CAPRIN1: variants seen among roughly 807,000 people sequenced by gnomAD.
CAPRIN1 encodes caprin-1.
Under a neutral mutation model 100.9 loss-of-function variants are expected in CAPRIN1, and 29 were observed. The ratio of observed to expected loss-of-function variants is 0.29; its 90% confidence interval spans 0.21 to 0.39. The LOEUF (loss-of-function observed/expected upper bound fraction) is 0.39. Among genes scored for constraint, CAPRIN1 ranks in the 10% least tolerant of loss-of-function variants. CAPRIN1 has a pLI of 1.00. For missense variants in CAPRIN1, 795 were observed against 876.7 expected (o/e 0.91, Z 1.18); for synonymous variants, 338 against 307.5 (o/e 1.10, Z -1.04).
In CAPRIN1 at chr11:34,080,385, G is replaced by C. The variant is rs534992330; in HGVS notation, c.826+620G>C. ...GCAGGAGTATGGGTGAGGGCCAGCT[G>C]TTACAAGGATTTTCAAATAGGTTTC... On this transcript the variant is annotated intron_variant, in intron 7 of 18. Transcript: ENST00000341394. Among the ~76,000 whole-genome samples, 12 of 152,258 alleles carry C rather than the reference G, an allele frequency of 7.9e-5. No individual in the cohort carries two copies. In the South Asian group the frequency reaches 1.7e-3, roughly 21 times the overall value.
At chr11:34,090,021 T>C in intron 12 of CAPRIN1, 158 bp from the exon 13 acceptor site, 1 of 453,714 alleles carries the variant, frequency 2.2e-6, no homozygotes, top group Non-Finnish European at 3.9e-6. Context: ...TTTTAGGTTT[T>C]ATATTATACA....
intron 12 of CAPRIN1, 144 bp downstream of exon 12, chr11:34,089,600 C>G (rs536687464): frequency 2.6e-6 from 1 of 390,348 alleles, no homozygotes; most frequent in Non-Finnish European, 4.7e-6. Context: ...GACACCATCT[C>G]TATTTTAAAA....
intron 2 of CAPRIN1, among the ~76,000 whole-genome samples, chr11:34,063,951 A>G (rs1044468300): frequency 3.3e-5 from 5 of 152,044 alleles, no homozygotes; most frequent in Admixed American, 1.3e-4. Context: ...TATTTTTAGT[A>G]GAGACGGGGT....
At chr11:34,071,335 A>T (rs1249086459) in intron 2 of CAPRIN1, among the ~76,000 whole-genome samples, 2 of 152,120 alleles carry the variant, frequency 1.3e-5, no homozygotes, top group Non-Finnish European at 2.9e-5. Flanking sequence ...AGGCCGAGGC[A>T]GGTGGATCAC....
chr11:34,067,567 T>TCAC (rs1313938358), intron 2 of CAPRIN1, among the ~76,000 whole-genome samples: 1 of 149,820 alleles, frequency 6.7e-6, no homozygotes, highest in Non-Finnish European at 1.5e-5. Flanking sequence ...GTCGTGCACA[T>TCAC]CACGACTTCC....
In CAPRIN1 at chr11:34,090,567, A is replaced by G. The variant is rs762968477; in HGVS notation, c.1443A>G (p.Ser481=). The G allele has an allele frequency of 1.2e-6, 2 of 1,614,080 alleles. No homozygotes were observed. The highest frequency in any genetic ancestry group is 1.3e-5 in the African/African-American group (1 of 74,942). The part of the protein sequence containing the change: ...ISLNTDQTTA[S]SSLPAASQPQ... ...TAAATACAGACCAGACTACAGCATC[A>G]TCATCCCTTCCTGCTGCGTCTCAGC... Residue 481 remains serine (S), a synonymous_variant, in exon 14 of 19, where the codon TCA becomes TCG. Coordinates refer to ENST00000341394, the MANE Select transcript of CAPRIN1 (RefSeq NM_005898.5).
Position 34,052,484 on chromosome 11 carries a change from G to C in CAPRIN1, c.64G>C (p.Gly22Arg). ...GTCGTCCGGACCGCCACCGCCGTCG[G>C]GTTCCTCCGGGAGTGAGGCGGCCGC... The part of the protein sequence containing the change: ...SKSSGPPPPS[G>R]SSGSEAAAGA... Residue 22 changes from glycine (G) to arginine (R), a missense_variant, in exon 2 of 19, where the codon GGT becomes CGT. Transcript: ENST00000341394. 1 of 1,607,880 alleles carries C rather than the reference G, an allele frequency of 6.2e-7. No homozygotes were observed.
At chr11:34,055,354 C>T (rs867176052) in intron 2 of CAPRIN1, among the ~76,000 whole-genome samples, 3 of 151,558 alleles carry the variant, frequency 2.0e-5, no homozygotes, top group South Asian at 2.1e-4. Flanking sequence ...AGAAGTCTCG[C>T]TCTTGTCCGC....
Position 34,096,477 on chromosome 11 carries a change from A to G in CAPRIN1, c.1706-2A>G. On this transcript the variant is annotated splice_acceptor_variant, in intron 15 of 18. Coordinates refer to ENST00000341394, the MANE Select transcript of CAPRIN1 (RefSeq NM_005898.5). LOFTEE classifies it high-confidence loss of function. ...TATATCTTTTTCTTTTTTAAATTAT[A>G]GTGGTTGGCACTTACCATGGTTCCC... 6.2e-7 allele frequency: 1 copy of G among 1,610,614 alleles called. No homozygotes were observed.
chr11:34,061,149 A>G (rs1850568536), intron 2 of CAPRIN1, among the ~76,000 whole-genome samples: 1 of 150,592 alleles, frequency 6.6e-6, no homozygotes, highest in South Asian at 2.1e-4. Context: ...AAACTCCTGG[A>G]TACTTAACCT....
Position 34,057,325 on chromosome 11 carries a change from G to C in CAPRIN1, c.216+4689G>C, listed in dbSNP as rs1850472798. ...TGTGTGTTTGTATGTGTAGCACTGG[G>C]AAGTATTTAAAGCTGTGAATTCCCC... On this transcript the variant is annotated intron_variant, in intron 2 of 18. Transcript: ENST00000341394. Among the ~76,000 whole-genome samples, 5 of 152,130 alleles carry C rather than the reference G, an allele frequency of 3.3e-5. No individual in the cohort carries two copies. The South Asian group carries it at 1.0e-3, about 32-fold the overall frequency.
Position 34,080,658 on chromosome 11 carries a change from A to G in CAPRIN1, c.826+893A>G, listed in dbSNP as rs1305918328. ...GTTGATGAGTAAAATTCTGAATACA[A>G]GGAAACATTGGAGCATAAGTTTTGT... is the stretch of plus-strand genomic sequence containing the variant. On this transcript the variant is annotated intron_variant, in intron 7 of 18. Transcript: ENST00000341394. Among the ~76,000 whole-genome samples, 8 of 152,238 alleles carry G rather than the reference A, an allele frequency of 5.3e-5. No homozygotes were observed. In the South Asian group the frequency reaches 6.2e-4, roughly 12 times the overall value.
intron 14 of CAPRIN1, 156 bp from the exon 15 acceptor site, chr11:34,091,750 C>T: frequency 6.3e-6 from 4 of 634,802 alleles, no homozygotes; most frequent in South Asian, 6.0e-5. Flanking sequence ...CATTGAATCA[C>T]TTGGAGGGAT....
chr11:34,090,118 G>A (rs547759889), intron 12 of CAPRIN1, 61 bp from the exon 13 acceptor site: 2 of 1,046,564 alleles, frequency 1.9e-6, no homozygotes, highest in South Asian at 2.8e-5. Flanking sequence ...GAGGTAACTT[G>A]TTTTTTTAAC....
chr11:34,078,461 T>C (rs17699517), intron 6 of CAPRIN1, among the ~76,000 whole-genome samples: 12,963 of 152,180 alleles, frequency 0.085, 572 homozygotes, highest in African/African-American at 0.092. Flanking sequence ...CAAATTCTGA[T>C]AGTTTTTGTT....
At chr11:34,071,684 C>G in intron 2 of CAPRIN1, 42 bp from the exon 3 acceptor site, 1 of 1,428,902 alleles carries the variant, frequency 7.0e-7, no homozygotes, top group Non-Finnish European at 9.9e-7. Flanking sequence ...CTGGTATATA[C>G]CTTCAAAACG....
At chr11:34,060,678 T>C (rs1438904500) in intron 2 of CAPRIN1, among the ~76,000 whole-genome samples, 5 of 152,206 alleles carry the variant, frequency 3.3e-5, no homozygotes, top group Non-Finnish European at 7.3e-5. Context: ...AAAGAACACA[T>C]TGCAATCTAT....
chr11:34,052,437 G>A lies in CAPRIN1; in HGVS notation c.17G>A (p.Ser6Asn), dbSNP rs764621029. The change falls in exon 2 of 19, where the codon AGC becomes AAC. Residue 6 changes from serine to asparagine, a missense_variant. Physicochemically the swap from Ser to Asn is conservative, Grantham distance 46. Coordinates refer to ENST00000341394, the MANE Select transcript of CAPRIN1 (RefSeq NM_005898.5). ...GGTCTGAAGATGCCCTCGGCCACCAGCCACAGCGGGAGCGGCAGCAAGTCG... is the reference window on the plus strand; with the variant it reads ...GGTCTGAAGATGCCCTCGGCCACCAACCACAGCGGGAGCGGCAGCAAGTCG... The part of the protein sequence containing the change: MPSAT[S>N]HSGSGSKSSG... The A allele has an allele frequency of 1.9e-6, 3 of 1,607,644 alleles. No individual in the cohort carries two copies. The highest frequency in any genetic ancestry group is 1.7e-6 in the Non-Finnish European group (2 of 1,178,850).
At chr11:34,079,905 G>GCTTTTTTTT (rs1850980473) in intron 7 of CAPRIN1, 140 bp downstream of exon 7, 6 of 316,638 alleles carry the variant, frequency 1.9e-5, no homozygotes, top group African/African-American at 1.2e-4. Flanking sequence ...GCATGACAAA[G>GCTTTTTTTT]TTTTTTTTTT....
Sources: allele counts gnomAD v4.1 joint callset (sites outside exome capture counted in the v4.1 genomes callset), GRCh38; gene constraint gnomAD v4.1.1; transcripts MANE v1.5; gene names NCBI Gene and HGNC (gene_info 2026-07-23, HGNC 2026-07-21).